CELSR1: variants seen among roughly 807,000 people sequenced by gnomAD.
CELSR1 encodes the protein cadherin EGF LAG seven-pass G-type receptor 1, also known as adhesion G protein-coupled receptor C1.
A neutral mutation model predicts 249.1 loss-of-function variants in CELSR1; 110 were observed. That is an observed-to-expected ratio of 0.44 (90% CI 0.38 to 0.52). CELSR1 has a LOEUF of 0.52. Among genes scored for constraint, CELSR1 ranks in the 20% least tolerant of loss-of-function variants. CELSR1 has a pLI of 0.00. For missense variants in CELSR1, 4,109 were observed against 4,296.4 expected, an observed-to-expected ratio of 0.96 and a Z score of 1.22; for synonymous variants, 2,113 against 1,900.0, an observed-to-expected ratio of 1.11 and a Z score of -2.92.
In CELSR1 at chr22:46,411,917, T is replaced by C. The variant is rs2079341863; in HGVS notation, c.4612-158A>G. Reference sequence around the variant, plus strand: ...CCGGCCTTTAGTTCCCCAAACTAGCTGTGCTGGGCTGCTCAATGCCCCCTC... The same window carrying C: ...CCGGCCTTTAGTTCCCCAAACTAGCCGTGCTGGGCTGCTCAATGCCCCCTC... On this transcript the variant is annotated intron_variant, in intron 5 of 34. Transcript: ENST00000674500. This position sits in a 1 kb window ranked among gnomAD's most constrained non-coding sequence, Gnocchi z 4.2. Among the ~76,000 whole-genome samples the C allele has an allele frequency of 6.6e-6, 1 of 152,206 alleles. No homozygotes were observed. The highest frequency in any genetic ancestry group is 1.5e-5 in the Non-Finnish European group (1 of 68,046).
chr22:46,372,789 T>TGGGCAGGGAAGAGAAAGGA (rs2078869713), intron 25 of CELSR1, 94 bp downstream of exon 25: 6 of 1,450,954 alleles, frequency 4.1e-6, no homozygotes, highest in African/African-American at 1.4e-5. Context: ...GCATTGGGGC[T>TGGGCAGGGAAGAGAAAGGA]GGGCAGGGAA....
intron 1 of CELSR1, among the ~76,000 whole-genome samples, chr22:46,492,062 A>G (rs1038157670): frequency 6.6e-6 from 1 of 152,250 alleles, no homozygotes; most frequent in African/African-American, 2.4e-5. Flanking sequence ...ACACACAAGG[A>G]AACAACTGCC....
At chr22:46,405,459 CAAAAAAA>C (rs869105580) in intron 9 of CELSR1, among the ~76,000 whole-genome samples, 29 of 84,856 alleles carry the variant, frequency 3.4e-4, no homozygotes, top group Middle Eastern at 5.9e-3. Flanking sequence ...GACTCCGTCT[CAAAAAAA>C]AAAAAAAAAA....
chr22:46,492,938 G>T (rs1051158943), intron 1 of CELSR1, among the ~76,000 whole-genome samples: 1 of 152,112 alleles, frequency 6.6e-6, no homozygotes, highest in Non-Finnish European at 1.5e-5. Context: ...ATATTTCTCT[G>T]GGAGAGAAAA....
intron 1 of CELSR1, among the ~76,000 whole-genome samples, chr22:46,511,609 G>A (rs1483849489): frequency 6.6e-6 from 1 of 152,202 alleles, no homozygotes; most frequent in East Asian, 1.9e-4. Flanking sequence ...CCCAGGACTT[G>A]AGAAGCTCAG....
In CELSR1 at chr22:46,367,865, G is replaced by T; in HGVS notation, c.7953-10C>A. On this transcript the variant is annotated splice_polypyrimidine_tract_variant and intron_variant, in intron 27 of 34. Coordinates refer to ENST00000674500, the MANE Select transcript of CELSR1 (RefSeq NM_001378328.1). ...GGTCCTCAGCAGGGAGCTGCGGGAG[G>T]GCAGGATCAGGCCTGTGCCCATCGC... is the stretch of plus-strand genomic sequence containing the variant. 6.2e-7 allele frequency: 1 copy of T among 1,606,316 alleles called. No homozygotes were observed. The highest frequency in any genetic ancestry group is 1.1e-5 in the South Asian group (1 of 89,342).
intron 1 of CELSR1, among the ~76,000 whole-genome samples, chr22:46,505,154 C>T (rs528739947): frequency 2.0e-5 from 3 of 149,064 alleles, no homozygotes; most frequent in East Asian, 2.0e-4. Context: ...CCCAGCTACT[C>T]GGGAGGCTGA....
intron 1 of CELSR1, among the ~76,000 whole-genome samples, chr22:46,469,479 G>A (rs1051371998): frequency 1.3e-5 from 2 of 152,152 alleles, no homozygotes; most frequent in East Asian, 1.9e-4. Context: ...TCTTGTACAA[G>A]AGTGGCAGGG....
chr22:46,438,201 G>C (rs191249963), intron 3 of CELSR1, among the ~76,000 whole-genome samples: 1 of 152,224 alleles, frequency 6.6e-6, no homozygotes, highest in African/African-American at 2.4e-5. Context: ...GAAGGGGGCC[G>C]GGGAAGGAGA....
intron 2 of CELSR1, among the ~76,000 whole-genome samples, chr22:46,453,675 A>G (rs2079912362): frequency 6.6e-6 from 1 of 151,774 alleles, no homozygotes; most frequent in African/African-American, 2.4e-5. Flanking sequence ...AGCAGAGAAC[A>G]CTCGCCCCCG....
At position 46,526,865 on chromosome 22, in the gene CELSR1, C is replaced by G. The variant is rs1360179379; in HGVS notation, c.3544+6762G>C. Among the ~76,000 whole-genome samples, 1 of 152,214 alleles carries G rather than the reference C, an allele frequency of 6.6e-6. No homozygotes were observed. Among genetic ancestry groups the G allele is most frequent in the African/African-American group, 2.4e-5 (1 of 41,450 alleles). On this transcript the variant is annotated intron_variant, in intron 1 of 34. Coordinates refer to ENST00000674500, the MANE Select transcript of CELSR1 (RefSeq NM_001378328.1). This position sits in a 1 kb window ranked among gnomAD's most constrained non-coding sequence, Gnocchi z 4.7. The stretch of plus-strand genomic sequence containing the variant: ...CACACAATCAACTTCAGGACACTCT[C>G]AAAGACGCCCAGCCACACGGGGCCA...
At chr22:46,426,655 G>A (rs554003411) in intron 5 of CELSR1, among the ~76,000 whole-genome samples, 7 of 152,274 alleles carry the variant, frequency 4.6e-5, no homozygotes, top group South Asian at 2.1e-4. Flanking sequence ...CAAAGTTCAC[G>A]TGTTGAAACT....
chr22:46,363,036 C>T lies in CELSR1; in HGVS notation c.*187G>A, dbSNP rs1482162582. On this transcript the variant is annotated 3_prime_UTR_variant, in exon 35 of 35. Coordinates refer to ENST00000674500, the MANE Select transcript of CELSR1 (RefSeq NM_001378328.1). This position sits in a 1 kb window ranked among gnomAD's most constrained non-coding sequence, Gnocchi z 4.3. ...CCTGAGCTCCTGGGAGAACCAAGAC[C>T]TTTGTGTCTGGATGATCAGTCGGGG... is the stretch of plus-strand genomic sequence containing the variant. The T allele has an allele frequency of 7.8e-7, 1 of 1,275,620 alleles. No homozygotes were observed. The highest frequency in any genetic ancestry group is 1.1e-6 in the Non-Finnish European group (1 of 900,452). 79.0% of individuals were successfully genotyped at this position (1,275,620 alleles called of 1,614,324 possible).
intron 5 of CELSR1, among the ~76,000 whole-genome samples, chr22:46,416,639 A>G (rs2079405324): frequency 1.3e-5 from 2 of 152,182 alleles, no homozygotes; most frequent in Admixed American, 1.3e-4. Context: ...CAGCCACCTG[A>G]GAAAAAACCT....
In CELSR1 at chr22:46,377,070, C is replaced by T. The variant is rs142288470; in HGVS notation, c.7575G>A (p.Thr2525=). The part of the protein sequence containing the change: ...QLVFVIGINQ[T]ENPFLCTVVA... ...AGCAGAGTGGCCATACCGGGTTTTC[C>T]GTCTGGTTGATCCCAATCACGAACA... Residue 2525 remains threonine, a synonymous_variant, in exon 24 of 35, where the codon ACG becomes ACA. Transcript: ENST00000674500. The T allele has an allele frequency of 3.7e-5, 59 of 1,613,088 alleles. No homozygotes were observed. Among genetic ancestry groups the T allele is most frequent in the African/African-American group, 1.9e-4 (14 of 75,048 alleles).
rs2080839231 is a variant in CELSR1, at chr22:46,535,238, G to A, written c.1933C>T (p.Leu645=). Residue 645 remains leucine (L), a synonymous_variant, in exon 1 of 35, where the codon CTG becomes TTG. Transcript: ENST00000674500. ...TAGTGCTCCACCTCCTCGCGGTCCAGCTCGGCACACACTGTGATCCAACCG... is the reference window on the plus strand; with the variant it reads ...TAGTGCTCCACCTCCTCGCGGTCCAACTCGGCACACACTGTGATCCAACCG... The part of the protein sequence containing the change: ...SSGWITVCAE[L]DREEVEHYSF... 6.2e-7 allele frequency: 1 copy of A among 1,609,764 alleles called. No homozygotes were observed. The highest frequency in any genetic ancestry group is 1.3e-5 in the African/African-American group (1 of 75,048).
At position 46,446,226 on chromosome 22, in the gene CELSR1, C is replaced by G. The variant is rs1281585744; in HGVS notation, c.4184-6815G>C. Among the ~76,000 whole-genome samples the G allele has an allele frequency of 6.6e-6, 1 of 152,216 alleles. No homozygotes were observed. Among genetic ancestry groups the G allele is most frequent in the Non-Finnish European group, 1.5e-5 (1 of 68,046 alleles). ...GCCCTGTGCGTACACTGCAGGCCAT[C>G]CTCCAGCCCCGCGTCCTCTCTCTTA... On this transcript the variant is annotated intron_variant, in intron 2 of 34. Coordinates refer to ENST00000674500, the MANE Select transcript of CELSR1 (RefSeq NM_001378328.1). This position sits in a 1 kb window ranked among gnomAD's most constrained non-coding sequence, Gnocchi z 5.5.
intron 5 of CELSR1, among the ~76,000 whole-genome samples, chr22:46,422,390 G>T (rs781101786): frequency 6.6e-6 from 1 of 151,820 alleles, no homozygotes; most frequent in African/African-American, 2.4e-5. Flanking sequence ...TTACAGGCGT[G>T]AGCCACCGTG....
In CELSR1 at chr22:46,536,490, C is replaced by T. The variant is rs752360821; in HGVS notation, c.681G>A (p.Ala227=). Residue 227 remains alanine (A), a synonymous_variant, in exon 1 of 35, where the codon GCG becomes GCA. Transcript: ENST00000674500. ...PLPPNLPEAR[A]GPARRARRGT... is the part of the protein sequence containing the mutation. ...CCCGCCGGGCCCGTCGCGCCGGCCC[C>T]GCCCGGGCTTCGGGCAAGTTCGGCG... is the stretch of plus-strand genomic sequence containing the variant. 1.3e-6 allele frequency: 2 copies of T among 1,587,966 alleles called. No homozygotes were observed. Among genetic ancestry groups the T allele is most frequent in the South Asian group, 2.2e-5 (2 of 89,056 alleles).
Sources: allele counts gnomAD v4.1 joint callset (sites outside exome capture counted in the v4.1 genomes callset), GRCh38; gene constraint gnomAD v4.1.1; non-coding constraint Gnocchi (gnomAD v3.1); transcripts MANE v1.5; gene names NCBI Gene and HGNC (gene_info 2026-07-23, HGNC 2026-07-21).